Variants in AGPAT5 observed in about 807,000 individuals in gnomAD.
AGPAT5 encodes the protein 1-acylglycerol-3-phosphate O-acyltransferase 5.
AGPAT5 carries 46 observed loss-of-function variants against 45.6 expected under a neutral mutation model. That is an observed-to-expected ratio of 1.01 (90% CI 0.80 to 1.29). The LOEUF (loss-of-function observed/expected upper bound fraction) is 1.29. Ranked by LOEUF, AGPAT5 falls within the 50% of genes most tolerant of loss-of-function variation. AGPAT5 has a pLI of 0.00. For synonymous variants in AGPAT5, 272 were observed against 167.0 expected (o/e 1.63, Z -4.85); for missense variants, 673 against 450.7 (o/e 1.49, Z -4.47).
chr8:6,753,164 G>C (rs149662583), intron 6 of AGPAT5, among the ~76,000 whole-genome samples: 1 of 152,210 alleles, frequency 6.6e-6, no homozygotes, highest in African/African-American at 2.4e-5. Context: ...TGCACATTTC[G>C]GAGTGCTTTT....
At chr8:6,722,625 A>G (rs769070024) in intron 1 of AGPAT5, among the ~76,000 whole-genome samples, 8 of 152,222 alleles carry the variant, frequency 5.3e-5, no homozygotes, top group Non-Finnish European at 1.0e-4. Context: ...ATGTCATGGG[A>G]GCAAGTTAAA....
chr8:6,753,630 A>G (rs1017820514), intron 6 of AGPAT5, among the ~76,000 whole-genome samples: 2 of 152,178 alleles, frequency 1.3e-5, no homozygotes, highest in African/African-American at 4.8e-5. Flanking sequence ...AGGTTACCCC[A>G]GAGGTGGAGA....
At chr8:6,752,312 C>G (rs760852744) in intron 6 of AGPAT5, among the ~76,000 whole-genome samples, 13 of 152,088 alleles carry the variant, frequency 8.5e-5, no homozygotes, top group Non-Finnish European at 1.8e-4. Flanking sequence ...CCTTTAAATC[C>G]TCTTTTTTAT....
chr8:6,737,543 G>T (rs1287071739), intron 4 of AGPAT5, among the ~76,000 whole-genome samples: 2 of 152,304 alleles, frequency 1.3e-5, no homozygotes, highest in African/African-American at 4.8e-5. Context: ...GAACTTATTG[G>T]TTGTGGATGC....
chr8:6,741,789 AAAGAT>A, intron 5 of AGPAT5, 38 bp downstream of exon 5: 4 of 1,474,248 alleles, frequency 2.7e-6, no homozygotes, highest in Non-Finnish European at 3.8e-6. Context: ...AATAATTTTC[AAAGAT>A]AATAACATTT....
rs1359726634 is a variant in AGPAT5 at position 6,760,221 on chromosome 8, G to A, written c.*2833G>A. Among the ~76,000 whole-genome samples the A allele has an allele frequency of 6.6e-6, 1 of 152,042 alleles. No homozygotes were observed. Among genetic ancestry groups the A allele is most frequent in the Non-Finnish European group, 1.5e-5 (1 of 68,014 alleles). ...AGCCTGGGCAACATATCGAGAACCT[G>A]TCTACAAAAAAATTAAAAAAAATTA... On this transcript the variant is annotated 3_prime_UTR_variant, in exon 8 of 8. Coordinates refer to ENST00000285518, the MANE Select transcript of AGPAT5 (RefSeq NM_018361.5).
At chr8:6,734,964 C>T (rs550344356) in intron 4 of AGPAT5, among the ~76,000 whole-genome samples, 22 of 152,208 alleles carry the variant, frequency 1.4e-4, no homozygotes, top group African/African-American at 5.3e-4. Flanking sequence ...TGGCTCTCTT[C>T]TTTATGCCTT....
At chr8:6,726,618 A>G (rs1477689180) in intron 2 of AGPAT5, among the ~76,000 whole-genome samples, 4 of 152,214 alleles carry the variant, frequency 2.6e-5, no homozygotes, top group Non-Finnish European at 4.4e-5. Context: ...GGACTTCTAG[A>G]AAACATCCAT....
intron 6 of AGPAT5, among the ~76,000 whole-genome samples, chr8:6,752,881 T>G (rs1291404874): frequency 6.6e-6 from 1 of 152,188 alleles, no homozygotes; most frequent in Non-Finnish European, 1.5e-5. Flanking sequence ...CTAAATGGCA[T>G]TTGACATTGA....
intron 4 of AGPAT5, among the ~76,000 whole-genome samples, chr8:6,739,442 G>T (rs1180181456): frequency 2.0e-5 from 3 of 151,988 alleles, no homozygotes; most frequent in Non-Finnish European, 4.4e-5. Context: ...GTTTACTTAG[G>T]TCTTCTTTAT....
At chr8:6,757,090 C>T in intron 7 of AGPAT5, 73 bp from the exon 8 acceptor site, 1 of 1,149,906 alleles carries the variant, frequency 8.7e-7, no homozygotes, top group Non-Finnish European at 1.3e-6. Context: ...CGTGTAATAG[C>T]TACCTGATTG....
intron 6 of AGPAT5, among the ~76,000 whole-genome samples, chr8:6,753,409 A>G (rs1801722470): frequency 6.6e-6 from 1 of 152,128 alleles, no homozygotes; most frequent in African/African-American, 2.4e-5. Flanking sequence ...CAGTGAAGGC[A>G]GGAAAATTGG....
At chr8:6,719,831 G>A (rs770293288) in intron 1 of AGPAT5, among the ~76,000 whole-genome samples, 3 of 152,172 alleles carry the variant, frequency 2.0e-5, no homozygotes, top group Non-Finnish European at 4.4e-5. Context: ...GTTCTAATCC[G>A]AGTGAACCTG....
At chr8:6,715,302 TG>T (rs1441595804) in intron 1 of AGPAT5, among the ~76,000 whole-genome samples, 2 of 152,158 alleles carry the variant, frequency 1.3e-5, no homozygotes, top group Non-Finnish European at 2.9e-5. Context: ...AGGGCCAGCT[TG>T]GAAGGTAATG....
intron 5 of AGPAT5, among the ~76,000 whole-genome samples, chr8:6,742,289 C>T (rs1801267196): frequency 6.6e-6 from 1 of 152,126 alleles, no homozygotes; most frequent in South Asian, 2.1e-4. Flanking sequence ...CAAAGTTGGT[C>T]CACAGTGCTT....
At chr8:6,711,067 T>C (rs1336770112) in intron 1 of AGPAT5, among the ~76,000 whole-genome samples, 1 of 152,158 alleles carries the variant, frequency 6.6e-6, no homozygotes, top group Non-Finnish European at 1.5e-5. Context: ...AATTTATATA[T>C]ATTAAAGAGG....
At chr8:6,739,886 TG>T (rs1801184692) in intron 4 of AGPAT5, among the ~76,000 whole-genome samples, 1 of 152,138 alleles carries the variant, frequency 6.6e-6, no homozygotes, top group Admixed American at 6.5e-5. Flanking sequence ...CTAGCCCCAT[TG>T]CCCTTCCTAA....
At chr8:6,755,358 C>T (rs1202088760) in intron 7 of AGPAT5, among the ~76,000 whole-genome samples, 184 bp downstream of exon 7, 2 of 152,216 alleles carry the variant, frequency 1.3e-5, no homozygotes, top group Non-Finnish European at 2.9e-5. Flanking sequence ...TCTAAAAGAA[C>T]TTGTTACAGT....
chr8:6,750,724 C>T (rs1221795870), intron 6 of AGPAT5, among the ~76,000 whole-genome samples: 6 of 146,858 alleles, frequency 4.1e-5, no homozygotes, highest in Non-Finnish European at 7.5e-5. Flanking sequence ...CAGGGGATAC[C>T]TTTTTTTTTT....
Sources: gnomAD v4.1 joint callset for allele counts (sites outside exome capture counted in the v4.1 genomes callset) on GRCh38, gnomAD v4.1.1 for gene constraint, MANE v1.5 for transcripts, NCBI Gene and HGNC (gene_info 2026-07-23, HGNC 2026-07-21) for gene names.